PLS3: variants seen among roughly 807,000 people sequenced by gnomAD.
PLS3 encodes plastin 3, also known as plastin-3.
Under a neutral mutation model 46.5 loss-of-function variants are expected in PLS3, and 11 were observed. The observed-to-expected ratio is 0.24, with a 90% CI of 0.15 to 0.39. The LOEUF (loss-of-function observed/expected upper bound fraction) is 0.39, where lower values mean the gene tolerates loss of function less well. Among genes scored for constraint, PLS3 ranks in the 10% least tolerant of loss-of-function variants. The pLI, the probability that PLS3 is intolerant of heterozygous loss-of-function variation, is 1.00. For missense variants in PLS3, 308 were observed against 461.8 expected, an observed-to-expected ratio of 0.67 and a Z score of 3.05; for synonymous variants, 167 against 162.2, an observed-to-expected ratio of 1.03 and a Z score of -0.22.
chrX:115,612,077 C>T (rs2074553447), intron 2 of PLS3, among the ~76,000 whole-genome samples: 1 of 111,348 alleles, frequency 9.0e-6, no homozygotes, highest in African/African-American at 3.3e-5. Flanking sequence ...AGTCTCCACT[C>T]AGTATCTAGC....
chrX:115,610,266 A>G lies in PLS3; in HGVS notation c.16A>G (p.Thr6Ala). ...AGATCTTTAAATGGATGAGATGGCTACCACTCAGATTTCCAAAGATGAGCT... is the reference window on the plus strand; with the variant it reads ...AGATCTTTAAATGGATGAGATGGCTGCCACTCAGATTTCCAAAGATGAGCT... MDEMATTQISKDELDE... is the reference protein window; with the variant it reads MDEMAATQISKDELDE... Residue 6 changes from threonine to alanine, a missense_variant, in exon 2 of 16, where the codon ACC (threonine) becomes GCC (alanine). Around this residue, in one of 2 missense-constraint regions of PLS3, gnomAD observed 37 missense variants for 26.1 expected, o/e 1.42. Transcript: ENST00000355899. 8.6e-7 allele frequency: 1 copy of G among 1,163,587 alleles called. No homozygotes were observed. Among genetic ancestry groups the G allele is most frequent in the Admixed American group, 2.4e-5 (1 of 42,408 alleles).
intron 2 of PLS3, among the ~76,000 whole-genome samples, chrX:115,615,528 A>AGG (rs1569528014): frequency 9.5e-6 from 1 of 105,584 alleles, no homozygotes; most frequent in African/African-American, 3.6e-5. Context: ...AGAGAGAGAG[A>AGG]GAAAGGAAAC....
rs782008597 is a variant in PLS3, at chrX:115,634,988, G to A, written c.690G>A (p.Leu230=). ...GGAAACCTCATCTGGTTTTGGGACT[G>A]CTTTGGCAGATCATTAAGATCGGTT... ...RAGKPHLVLG[L]LWQIIKIGLF... The change falls in exon 7 of 16, where the codon CTG becomes CTA. Residue 230 remains leucine, a synonymous_variant. Coordinates refer to ENST00000355899, the MANE Select transcript of PLS3 (RefSeq NM_005032.7). 4.1e-6 allele frequency: 5 copies of A among 1,210,557 alleles called. No individual in the cohort carries two copies. The highest frequency in any genetic ancestry group is 5.6e-6 in the Non-Finnish European group (5 of 894,581).
At chrX:115,583,363 T>C (rs1414111820) in intron 1 of PLS3, among the ~76,000 whole-genome samples, 1 of 112,658 alleles carries the variant, frequency 8.9e-6, no homozygotes, top group Non-Finnish European at 1.9e-5. Flanking sequence ...TTAATTTGTA[T>C]TGTGTTTTGA....
intron 12 of PLS3, 72 bp from the exon 13 acceptor site, chrX:115,646,330 A>T: frequency 9.3e-7 from 1 of 1,070,926 alleles, no homozygotes; most frequent in Non-Finnish European, 1.3e-6. Context: ...CTAGCATTAT[A>T]CAAGACACAC....
intron 4 of PLS3, 130 bp from the exon 5 acceptor site, chrX:115,629,705 C>T (rs1483980483): frequency 6.8e-6 from 3 of 439,573 alleles, no homozygotes; most frequent in African/African-American, 5.0e-5. Flanking sequence ...TCTGGGTTTC[C>T]ACACAGAATA....
chrX:115,636,010 G>A (rs901555542), intron 7 of PLS3, among the ~76,000 whole-genome samples: 4 of 110,305 alleles, frequency 3.6e-5, no homozygotes, highest in Non-Finnish European at 7.6e-5. Context: ...AATAGTGCGA[G>A]ACTCTCTCAA....
At chrX:115,562,790 G>C (rs948386759) in intron 1 of PLS3, 3 of 107,126 alleles carry the variant, frequency 2.8e-5, no homozygotes, top group African/African-American at 1.0e-4. Flanking sequence ...TTTAAAGCTG[G>C]AATGTAATGG....
intron 1 of PLS3, among the ~76,000 whole-genome samples, chrX:115,562,138 C>T (rs947223111): frequency 2.7e-5 from 3 of 110,580 alleles, no homozygotes; most frequent in Non-Finnish European, 3.8e-5. Context: ...GTCTACCCCC[C>T]CGCCCTTTCC....
intron 8 of PLS3, among the ~76,000 whole-genome samples, chrX:115,637,685 T>C (rs184331745): frequency 1.8e-5 from 2 of 111,790 alleles, no homozygotes; most frequent in Non-Finnish European, 3.8e-5. Context: ...GGAGTTCTCC[T>C]TAACTGCCTC....
intron 2 of PLS3, among the ~76,000 whole-genome samples, chrX:115,617,926 G>T (rs2074612378): frequency 9.0e-6 from 1 of 111,562 alleles, no homozygotes; most frequent in African/African-American, 3.3e-5. Context: ...AACTTCTGGA[G>T]TTTTTTGTTT....
At chrX:115,619,344 AC>A (rs1343127726) in intron 2 of PLS3, among the ~76,000 whole-genome samples, 9 of 112,184 alleles carry the variant, frequency 8.0e-5, no homozygotes, top group Admixed American at 9.5e-5. Flanking sequence ...ACTATGCCAC[AC>A]TTACTCTCTA....
At chrX:115,608,807 C>T (rs1241570501) in intron 1 of PLS3, among the ~76,000 whole-genome samples, 1 of 111,349 alleles carries the variant, frequency 9.0e-6, no homozygotes, top group East Asian at 2.8e-4. Flanking sequence ...CTCTTTGATG[C>T]TTGCACAATG....
chrX:115,598,401 T>C (rs2074410088), intron 1 of PLS3, among the ~76,000 whole-genome samples: 1 of 111,409 alleles, frequency 9.0e-6, no homozygotes, highest in African/African-American at 3.3e-5. Context: ...GCTTCAACCT[T>C]TCCTAGACTT....
In PLS3 at chrX:115,633,993, GT is replaced by G; in HGVS notation, c.501-4del. The stretch of plus-strand genomic sequence containing the variant: ...TACATCAGCCTTTTTTTAAATTTTT[GT>G]TTCAGTAAAATGATTAACCTTTCAG... On this transcript the variant is annotated splice_region_variant and splice_polypyrimidine_tract_variant and intron_variant, in intron 5 of 15. Coordinates refer to ENST00000355899, the MANE Select transcript of PLS3 (RefSeq NM_005032.7). 1.9e-6 allele frequency: 2 copies of G among 1,031,051 alleles called. No individual in the cohort carries two copies. The highest frequency in any genetic ancestry group is 2.7e-6 in the Non-Finnish European group (2 of 744,293). The allele number at this position is 1,031,051 out of a possible 1,213,427, so 85.0% of individuals were successfully genotyped here.
intron 1 of PLS3, among the ~76,000 whole-genome samples, chrX:115,572,826 G>A (rs1381051494): frequency 1.8e-5 from 2 of 111,270 alleles, no homozygotes; most frequent in African/African-American, 6.5e-5. Flanking sequence ...GTGCCCGGTG[G>A]TTCATGCCAG....
intron 1 of PLS3, among the ~76,000 whole-genome samples, chrX:115,604,547 A>G (rs2074473313): frequency 3.6e-5 from 4 of 111,816 alleles, no homozygotes; most frequent in Non-Finnish European, 7.5e-5. Context: ...CCAGAGCAAT[A>G]ATCGATGCCT....
At chrX:115,631,480 G>A (rs1363202607) in intron 5 of PLS3, among the ~76,000 whole-genome samples, 2 of 110,801 alleles carry the variant, frequency 1.8e-5, no homozygotes, top group African/African-American at 3.3e-5. Context: ...GGTGGCTCAC[G>A]CCCAGCCCTT....
At chrX:115,640,737 T>G (rs1215853607) in intron 9 of PLS3, among the ~76,000 whole-genome samples, 2 of 111,817 alleles carry the variant, frequency 1.8e-5, no homozygotes, top group Non-Finnish European at 3.8e-5. Flanking sequence ...CATAAAATAT[T>G]CAAAACAAGT....
Sources: allele counts gnomAD v4.1 joint callset (sites outside exome capture counted in the v4.1 genomes callset), GRCh38; gene constraint gnomAD v4.1.1; regional missense constraint gnomAD v4.1.1; transcripts MANE v1.5; gene names NCBI Gene and HGNC (gene_info 2026-07-23, HGNC 2026-07-21).